SLC44A3: variants seen among roughly 807,000 people sequenced by gnomAD.
SLC44A3 encodes choline transporter-like protein 3.
Under a neutral mutation model 75.4 loss-of-function variants are expected in SLC44A3, and 74 were observed. The ratio of observed to expected loss-of-function variants is 0.98; its 90% CI spans 0.81 to 1.19. The LOEUF (loss-of-function observed/expected upper bound fraction) is 1.19. SLC44A3 is among the 50% of genes most tolerant of loss of function. The pLI is 0.00. For synonymous variants in SLC44A3, 310 were observed against 296.9 expected, an observed-to-expected ratio of 1.04 and a Z score of -0.45; for missense variants, 700 against 778.6, an observed-to-expected ratio of 0.90 and a Z score of 1.20.
intron 14 of SLC44A3, among the ~76,000 whole-genome samples, chr1:94,893,533 A>C (rs1204272315): frequency 6.6e-6 from 1 of 152,006 alleles, no homozygotes; most frequent in African/African-American, 2.4e-5. Flanking sequence ...GGCGTGCACC[A>C]CCACGCCTAA....
intron 12 of SLC44A3, among the ~76,000 whole-genome samples, chr1:94,875,162 A>G (rs1419144494): frequency 6.6e-6 from 1 of 152,076 alleles, no homozygotes; most frequent in Non-Finnish European, 1.5e-5. Context: ...GCCCGCCTAC[A>G]CTCTGCTGCT....
intron 1 of SLC44A3, 44 bp from the exon 2 acceptor site, chr1:94,820,905 C>A (rs897738204): frequency 6.6e-7 from 1 of 1,508,830 alleles, no homozygotes; most frequent in Admixed American, 2.0e-5. Flanking sequence ...AGGTTGAGTC[C>A]ACCTGTTTAT....
intron 10 of SLC44A3, among the ~76,000 whole-genome samples, chr1:94,862,351 G>A (rs1269637323): frequency 6.6e-6 from 1 of 152,126 alleles, no homozygotes; most frequent in African/African-American, 2.4e-5. Context: ...TGAGCACGAG[G>A]CTGGATCTAA....
intron 12 of SLC44A3, among the ~76,000 whole-genome samples, chr1:94,885,451 C>T (rs563486222): frequency 3.3e-5 from 5 of 152,218 alleles, no homozygotes; most frequent in South Asian, 4.2e-4. Flanking sequence ...GAAGCCGTTC[C>T]GCAAGTCTTT....
At chr1:94,867,517 A>C in intron 12 of SLC44A3, 100 bp downstream of exon 12, 1 of 822,240 alleles carries the variant, frequency 1.2e-6, no homozygotes, top group South Asian at 2.6e-5. Context: ...AAGGGGCTAA[A>C]TTGTGTAAAC....
At chr1:94,853,231 AGAGATGTGC>A (rs1665433450) in intron 9 of SLC44A3, among the ~76,000 whole-genome samples, 1 of 152,178 alleles carries the variant, frequency 6.6e-6, no homozygotes, top group Non-Finnish European at 1.5e-5. Context: ...AGGGTTTCAC[AGAGATGTGC>A]GCGGTCCAGT....
At chr1:94,851,524 T>C (rs1665214671) in intron 9 of SLC44A3, among the ~76,000 whole-genome samples, 1 of 152,232 alleles carries the variant, frequency 6.6e-6, no homozygotes, top group East Asian at 1.9e-4. Flanking sequence ...TGCCTTTTTC[T>C]TTCTGTGTCT....
At chr1:94,893,387 C>CTT (rs145525095) in intron 14 of SLC44A3, among the ~76,000 whole-genome samples, 2 of 149,430 alleles carry the variant, frequency 1.3e-5, no homozygotes, top group South Asian at 2.1e-4. Context: ...ACAAATTTTA[C>CTT]TTTTTTTTTT....
chr1:94,843,323 C>G (rs1056779195), intron 8 of SLC44A3: 1 of 152,250 alleles, frequency 6.6e-6, no homozygotes, highest in African/African-American at 2.4e-5. Flanking sequence ...TGAGTCCCAG[C>G]TCACCTCCCG....
intron 12 of SLC44A3, among the ~76,000 whole-genome samples, chr1:94,883,778 TG>T (rs1490392619): frequency 6.6e-6 from 1 of 152,232 alleles, no homozygotes; most frequent in African/African-American, 2.4e-5. Context: ...GTCTGAAATT[TG>T]GGTATCCCTT....
At chr1:94,821,197 G>T in intron 2 of SLC44A3, 141 bp downstream of exon 2, 1 of 700,684 alleles carries the variant, frequency 1.4e-6, no homozygotes, top group Admixed American at 2.8e-5. Flanking sequence ...GTTTGTACTC[G>T]GGAGAATTCT....
chr1:94,876,538 G>T (rs1052452911), intron 12 of SLC44A3, among the ~76,000 whole-genome samples: 9 of 152,224 alleles, frequency 5.9e-5, no homozygotes, highest in Non-Finnish European at 1.5e-5. Context: ...AGAGACTAGA[G>T]AATGCATTCA....
Position 94,827,663 on chromosome 1 carries a change from T to A in SLC44A3, c.415+20T>A. 1 of 1,613,160 alleles carries A rather than the reference T, an allele frequency of 6.2e-7. No homozygotes were observed. The highest frequency in any genetic ancestry group is 8.5e-7 in the Non-Finnish European group (1 of 1,179,236). ...CCAGTGGTAGGCACTAAGGCCTGGT[T>A]TGTTCTTTTCCCCATGATGGGGTAA... On this transcript the variant is annotated intron_variant, in intron 4 of 14. Transcript: ENST00000271227.
At chr1:94,864,539 T>G (rs1666938590) in intron 10 of SLC44A3, among the ~76,000 whole-genome samples, 1 of 152,192 alleles carries the variant, frequency 6.6e-6, no homozygotes, top group African/African-American at 2.4e-5. Flanking sequence ...TCTGTTTTAT[T>G]TGTAGCATTA....
Position 94,891,180 on chromosome 1 carries a change from A to G in SLC44A3, c.1533A>G (p.Ala511=). 1 of 1,613,602 alleles carries G rather than the reference A, an allele frequency of 6.2e-7. No individual in the cohort carries two copies. Residue 511 remains alanine (A), a synonymous_variant, in exon 13 of 15, where the codon GCA becomes GCG. Transcript: ENST00000271227. ...AINGTDFCTS[A]KDAFKILSKN... is the part of the protein sequence containing the mutation. Reference sequence around the variant, plus strand: ...ATGGGACAGATTTCTGTACATCAGCAAAAGATGCATTCAAAATCTTGTCCA... The same window carrying G: ...ATGGGACAGATTTCTGTACATCAGCGAAAGATGCATTCAAAATCTTGTCCA...
intron 12 of SLC44A3, among the ~76,000 whole-genome samples, chr1:94,874,596 C>T (rs1186673447): frequency 3.9e-5 from 6 of 152,176 alleles, no homozygotes; most frequent in Non-Finnish European, 8.8e-5. Context: ...GGAACTCCTG[C>T]GAGGCAATTG....
At position 94,857,397 on chromosome 1, in the gene SLC44A3, A is replaced by T; in HGVS notation, c.1135A>T (p.Met379Leu). 1.2e-6 allele frequency: 2 copies of T among 1,614,038 alleles called. No individual in the cohort carries two copies. Among genetic ancestry groups the T allele is most frequent in the Non-Finnish European group, 1.7e-6 (2 of 1,179,978 alleles). ...TAAGCCCCTTTCGGGCATTCGGTAC[A>T]TGTGGTCGTACCATTTAATTGGCCT... The part of the protein sequence containing the change: ...EYKPLSGIRY[M>L]WSYHLIGLIW... Residue 379 changes from methionine to leucine, a missense_variant, in exon 10 of 15, where the codon ATG becomes TTG. Coordinates refer to ENST00000271227, the MANE Select transcript of SLC44A3 (RefSeq NM_001114106.3).
At chr1:94,824,460 G>A in intron 2 of SLC44A3, 33 bp from the exon 3 acceptor site, 4 of 1,563,462 alleles carry the variant, frequency 2.6e-6, no homozygotes, top group Non-Finnish European at 3.4e-6. Flanking sequence ...TCAGCCCTTT[G>A]GCCAGGCTCT....
chr1:94,864,015 G>A (rs987611507), intron 10 of SLC44A3, among the ~76,000 whole-genome samples: 5 of 152,198 alleles, frequency 3.3e-5, no homozygotes, highest in Admixed American at 6.5e-5. Context: ...AGGGTCACCC[G>A]TGGGGTGGCA....
Sources: gnomAD v4.1 joint callset for allele counts (sites outside exome capture counted in the v4.1 genomes callset) on GRCh38, gnomAD v4.1.1 for gene constraint, MANE v1.5 for transcripts, NCBI Gene and HGNC (gene_info 2026-07-23, HGNC 2026-07-21) for gene names.